The following SCFD1 variants were observed in gnomAD, a reference collection of about 807,000 sequenced individuals.
The protein encoded by SCFD1 is sec1 family domain containing 1.
SCFD1 carries 37 observed loss-of-function variants against 103.2 expected under a neutral mutation model. The observed-to-expected ratio is 0.36, with a 90% confidence interval of 0.28 to 0.47. The LOEUF (loss-of-function observed/expected upper bound fraction) is 0.47, where lower values mean the gene tolerates loss of function less well. SCFD1 is among the 20% of genes least tolerant of loss of function. The pLI is 1.00. For missense variants in SCFD1, 639 were observed against 761.2 expected (o/e 0.84, Z 1.89); for synonymous variants, 264 against 245.0 (o/e 1.08, Z -0.73).
chr14:30,622,386 G>C lies in SCFD1; in HGVS notation c.48G>C (p.Arg16=), dbSNP rs1277885331. 3.2e-6 allele frequency: 5 copies of C among 1,555,124 alleles called. No individual in the cohort carries two copies. The highest frequency in any genetic ancestry group is 4.4e-6 in the Non-Finnish European group (5 of 1,148,948). ...AATAAAAASI[R]ERQTVALKRM... ...CAGCAGCAGCAGCAGCCAGTATTCG[G>C]GAAAGGCAGACAGGTACTGACTTAT... The change falls in exon 1 of 25, where the codon CGG becomes CGC. Residue 16 remains arginine (R), a synonymous_variant. Coordinates refer to ENST00000458591, the MANE Select transcript of SCFD1 (RefSeq NM_016106.4).
chr14:30,678,426 G>T (rs543306410), intron 14 of SCFD1, among the ~76,000 whole-genome samples: 1 of 152,228 alleles, frequency 6.6e-6, no homozygotes, highest in Non-Finnish European at 1.5e-5. Flanking sequence ...TGGGTAATTT[G>T]GGTCTAATAA....
chr14:30,683,327 G>T (rs916174920), intron 14 of SCFD1: 2 of 645,378 alleles, frequency 3.1e-6, no homozygotes, highest in Admixed American at 4.7e-5. Context: ...TGGGTGCATT[G>T]TAAGGGTAGT....
At chr14:30,710,259 A>AG (rs919228436) in intron 19 of SCFD1, among the ~76,000 whole-genome samples, 3 of 151,216 alleles carry the variant, frequency 2.0e-5, no homozygotes, top group Non-Finnish European at 4.4e-5. Flanking sequence ...CACTTACAAA[A>AG]GTAAAATTTG....
At chr14:30,673,884 G>A (rs1406893605) in intron 12 of SCFD1, 40 bp from the exon 13 acceptor site, 5 of 1,376,620 alleles carry the variant, frequency 3.6e-6, no homozygotes, top group Non-Finnish European at 5.2e-6. Flanking sequence ...CTTGTGCCTG[G>A]GATTTTTGAG....
intron 7 of SCFD1, among the ~76,000 whole-genome samples, chr14:30,647,897 C>T (rs1044404680): frequency 5.3e-5 from 8 of 152,072 alleles, no homozygotes; most frequent in South Asian, 2.1e-4. Flanking sequence ...GTGATCCGCC[C>T]GCCTCAGCCT....
In SCFD1 at chr14:30,719,321, A is replaced by G; in HGVS notation, c.1684-4A>G. 6.3e-7 allele frequency: 1 copy of G among 1,589,692 alleles called. No homozygotes were observed. Among genetic ancestry groups the G allele is most frequent in the African/African-American group, 1.4e-5 (1 of 73,834 alleles). On this transcript the variant is annotated splice_region_variant and splice_polypyrimidine_tract_variant and intron_variant, in intron 20 of 24. Transcript: ENST00000458591. ...TCATGGTAAAGTTCTATTTTTTTTAATAGGAAACTGATGACTATAGATATT... is the reference window on the plus strand; with the variant it reads ...TCATGGTAAAGTTCTATTTTTTTTAGTAGGAAACTGATGACTATAGATATT...
At chr14:30,627,848 C>A (rs1883672839) in intron 1 of SCFD1, among the ~76,000 whole-genome samples, 1 of 145,006 alleles carries the variant, frequency 6.9e-6, no homozygotes, top group Admixed American at 6.8e-5. Context: ...CACTAGACCA[C>A]TCAGACTTAA....
At chr14:30,703,989 A>T in intron 17 of SCFD1, among the ~76,000 whole-genome samples, 1 of 134,666 alleles carries the variant, frequency 7.4e-6, no homozygotes, top group Non-Finnish European at 1.6e-5. Flanking sequence ...TGGGGATGGG[A>T]CCCAAGTCTA....
intron 14 of SCFD1, among the ~76,000 whole-genome samples, chr14:30,694,298 A>C (rs534968151): frequency 1.3e-5 from 2 of 152,340 alleles, no homozygotes; most frequent in South Asian, 4.1e-4. Flanking sequence ...GAATTTATCC[A>C]TCAAATATGG....
intron 19 of SCFD1, among the ~76,000 whole-genome samples, chr14:30,711,946 G>A (rs926461119): frequency 6.6e-6 from 1 of 152,070 alleles, no homozygotes; most frequent in Non-Finnish European, 1.5e-5. Flanking sequence ...GAGAGGGATA[G>A]ATGTGTCTTG....
In SCFD1 at chr14:30,643,296, C is replaced by A; in HGVS notation, c.524-20C>A. ...CATAAGTTTGGGTCAACTTTTTCTC[C>A]TTTTCCTATGTCATTTTAGCCATTA... is the stretch of plus-strand genomic sequence containing the variant. On this transcript the variant is annotated intron_variant, in intron 6 of 24. Transcript: ENST00000458591. 6.5e-7 allele frequency: 1 copy of A among 1,535,600 alleles called. No individual in the cohort carries two copies. The highest frequency in any genetic ancestry group is 1.4e-5 in the African/African-American group (1 of 73,402).
intron 14 of SCFD1, among the ~76,000 whole-genome samples, chr14:30,688,952 C>T (rs1178809603): frequency 2.1e-4 from 15 of 69,846 alleles, no homozygotes; most frequent in South Asian, 5.3e-4. Flanking sequence ...CGGCTGGTAC[C>T]GGTTGTTCCT....
intron 10 of SCFD1, among the ~76,000 whole-genome samples, chr14:30,657,648 C>G (rs1319081061): frequency 6.6e-6 from 1 of 152,094 alleles, no homozygotes; most frequent in Admixed American, 6.5e-5. Flanking sequence ...TGGATATGAA[C>G]AAACTATAAC....
In SCFD1 at chr14:30,721,713, CA is replaced by C. The variant is rs1459523702; in HGVS notation, c.1737-170del. On this transcript the variant is annotated intron_variant, in intron 21 of 24. Coordinates refer to ENST00000458591, the MANE Select transcript of SCFD1 (RefSeq NM_016106.4). The stretch of plus-strand genomic sequence containing the variant: ...TTTCTAGCTGCTTCTTAATGAAACC[CA>C]GTTCACTACCTGGCTCAGCAAAATT... The C allele has an allele frequency of 1.0e-5, 6 of 585,284 alleles. No homozygotes were observed. In the East Asian group the frequency reaches 2.0e-4, roughly 19 times the overall value. 36.3% of individuals were successfully genotyped at this position (585,284 alleles called of 1,614,324 possible).
chr14:30,631,912 G>A (rs1223458802), intron 3 of SCFD1, among the ~76,000 whole-genome samples: 1 of 151,928 alleles, frequency 6.6e-6, no homozygotes, highest in Middle Eastern at 3.2e-3. Context: ...TGGGCATGGT[G>A]GCGTACCCAC....
intron 21 of SCFD1, among the ~76,000 whole-genome samples, chr14:30,720,785 G>A (rs1892601499): frequency 6.6e-6 from 1 of 152,092 alleles, no homozygotes. Context: ...TTTTACATAA[G>A]GTACTTGAGC....
intron 8 of SCFD1, 70 bp from the exon 9 acceptor site, chr14:30,650,493 AAC>A: frequency 1.1e-6 from 1 of 884,302 alleles, no homozygotes; most frequent in Non-Finnish European, 1.8e-6. Context: ...TGAAACTAAA[AAC>A]ACATTTTGAA....
chr14:30,653,342 T>C, intron 9 of SCFD1, 147 bp from the exon 10 acceptor site: 1 of 584,946 alleles, frequency 1.7e-6, no homozygotes, highest in Non-Finnish European at 3.0e-6. Flanking sequence ...CAGCAGCACA[T>C]ATACTAAAAA....
chr14:30,665,933 C>T (rs1404760489), intron 10 of SCFD1, among the ~76,000 whole-genome samples: 4 of 152,112 alleles, frequency 2.6e-5, no homozygotes, highest in Non-Finnish European at 5.9e-5. Flanking sequence ...TAGAGACCTA[C>T]AAAGAGACTT....
Sources: gnomAD v4.1 joint callset for allele counts (sites outside exome capture counted in the v4.1 genomes callset) on GRCh38, gnomAD v4.1.1 for gene constraint, MANE v1.5 for transcripts, NCBI Gene and HGNC (gene_info 2026-07-23, HGNC 2026-07-21) for gene names.